The following TBCE variants were observed in gnomAD, a reference collection of about 807,000 sequenced individuals.
TBCE encodes the protein tubulin folding cofactor E, also known as tubulin-specific chaperone E.
In TBCE, 53 loss-of-function variants were observed where a neutral mutation model predicts 77.0. The ratio of observed to expected loss-of-function variants is 0.69; its 90% CI spans 0.55 to 0.87. The LOEUF is 0.87. Among genes scored for constraint, TBCE ranks in the 40% least tolerant of loss-of-function variants. The pLI is 0.00. For synonymous variants in TBCE, 235 were observed against 241.3 expected (o/e 0.97, Z 0.24); for missense variants, 624 against 622.4 (o/e 1.00, Z -0.03).
chr1:235,448,239 A>AAGAC (rs1251179402), intron 15 of TBCE, 110 bp from the exon 16 acceptor site: 1 of 843,250 alleles, frequency 1.2e-6, no homozygotes, highest in South Asian at 1.5e-5. Flanking sequence ...AAAAAAAAAA[A>AAGAC]AGACAGATAC....
chr1:235,423,498 A>C (rs1680525722), intron 5 of TBCE: 1 of 152,370 alleles, frequency 6.6e-6, no homozygotes, highest in Non-Finnish European at 1.5e-5. Context: ...GGTTAATGGA[A>C]ACACAGGGTG....
In TBCE at chr1:235,387,122, A is replaced by G. The variant is rs553331992; in HGVS notation, c.100+6973A>G. Among the ~76,000 whole-genome samples the G allele has an allele frequency of 1.4e-4, 21 of 152,314 alleles. No homozygotes were observed. The East Asian group carries it at 3.9e-3, about 28-fold the overall frequency. Reference sequence around the variant, plus strand: ...GGCTGCAGAACAGCGGATTTTCGTGAACCGCGAATGCTGCTGTCTGATCGT... The same window carrying G: ...GGCTGCAGAACAGCGGATTTTCGTGGACCGCGAATGCTGCTGTCTGATCGT... On this transcript the variant is annotated intron_variant, in intron 2 of 16. Coordinates refer to ENST00000642610, the MANE Select transcript of TBCE (RefSeq NM_003193.5).
chr1:235,420,857 C>T (rs1448742213), intron 5 of TBCE, among the ~76,000 whole-genome samples: 1 of 152,032 alleles, frequency 6.6e-6, no homozygotes, highest in African/African-American at 2.4e-5. Flanking sequence ...AACTCCTGAC[C>T]TCAGGTGATT....
At chr1:235,416,597 T>A (rs2131920) in intron 4 of TBCE, among the ~76,000 whole-genome samples, 100,602 of 152,006 alleles carry the variant, frequency 0.66, 33,681 homozygotes, top group African/African-American at 0.76. Context: ...AGCATTTTTT[T>A]AATTGGTTAA....
At chr1:235,436,307 T>A (rs1428209094) in intron 9 of TBCE, 79 bp from the exon 10 acceptor site, 1 of 1,432,286 alleles carries the variant, frequency 7.0e-7, no homozygotes, top group East Asian at 2.3e-5. Flanking sequence ...AGGAAAAAAA[T>A]TTACAAACCG....
chr1:235,419,709 AT>A, intron 5 of TBCE, 148 bp downstream of exon 5: 2 of 1,138,102 alleles, frequency 1.8e-6, no homozygotes, highest in Non-Finnish European at 2.5e-6. Flanking sequence ...TGGGGCCCAG[AT>A]AAATTATTTA....
chr1:235,399,105 C>T (rs1208051842), intron 2 of TBCE, among the ~76,000 whole-genome samples: 1 of 152,008 alleles, frequency 6.6e-6, no homozygotes, highest in Non-Finnish European at 1.5e-5. Context: ...AGGCATGCAC[C>T]ACCATGCCCA....
chr1:235,396,838 T>A (rs994259481), intron 2 of TBCE, among the ~76,000 whole-genome samples: 65 of 152,182 alleles, frequency 4.3e-4, no homozygotes, highest in African/African-American at 1.5e-3. Context: ...AATAGATGTT[T>A]TTCCCATTGA....
At position 235,428,606 on chromosome 1, in the gene TBCE, A is replaced by G. The variant is rs1312567294; in HGVS notation, c.560+1367A>G. Among the ~76,000 whole-genome samples the G allele has an allele frequency of 3.3e-5, 5 of 149,926 alleles. No homozygotes were observed. The Admixed American group carries it at 3.4e-4, about 10-fold the overall frequency. The stretch of plus-strand genomic sequence containing the variant: ...TTGAATTTATCTAACTTTAACTTTA[A>G]GGACACATTTAATCTTTAAGGACAC... On this transcript the variant is annotated intron_variant, in intron 6 of 16. Coordinates refer to ENST00000642610, the MANE Select transcript of TBCE (RefSeq NM_003193.5).
chr1:235,369,334 C>T (rs1299649362), intron 1 of TBCE, among the ~76,000 whole-genome samples: 1 of 151,098 alleles, frequency 6.6e-6, no homozygotes, highest in Non-Finnish European at 1.5e-5. Flanking sequence ...TGGTGAAACC[C>T]CGTCTCTACT....
At chr1:235,374,920 CTTT>C (rs1241323977) in intron 1 of TBCE, among the ~76,000 whole-genome samples, 8 of 111,956 alleles carry the variant, frequency 7.1e-5, no homozygotes, top group African/African-American at 1.5e-4. Context: ...CTTTTTTTTT[CTTT>C]TTTTTTTTTT....
At chr1:235,422,441 G>A (rs1056489628) in intron 5 of TBCE, among the ~76,000 whole-genome samples, 1 of 150,802 alleles carries the variant, frequency 6.6e-6, no homozygotes, top group Non-Finnish European at 1.5e-5. Context: ...ACTTGAACCC[G>A]GGAGGCAGAG....
intron 4 of TBCE, among the ~76,000 whole-genome samples, chr1:235,417,821 G>A (rs902525266): frequency 6.6e-6 from 1 of 152,098 alleles, no homozygotes; most frequent in African/African-American, 2.4e-5. Flanking sequence ...TTGTTACCCA[G>A]GCTGGAGCGC....
intron 5 of TBCE, among the ~76,000 whole-genome samples, chr1:235,420,309 C>T (rs985052095): frequency 2.7e-5 from 4 of 150,618 alleles, no homozygotes; most frequent in Non-Finnish European, 5.9e-5. Flanking sequence ...TCTGTTTTCT[C>T]ATGCAGTTCT....
intron 13 of TBCE, chr1:235,440,719 C>T (rs1381164888): frequency 6.6e-6 from 1 of 152,076 alleles, no homozygotes; most frequent in Non-Finnish European, 1.5e-5. Flanking sequence ...TTAAAGCCCC[C>T]CAGGTAATTC....
At chr1:235,402,614 T>G (rs1423329266) in intron 3 of TBCE, among the ~76,000 whole-genome samples, 1 of 152,016 alleles carries the variant, frequency 6.6e-6, no homozygotes, top group African/African-American at 2.4e-5. Flanking sequence ...TTAACAGTCT[T>G]TTTTGTTTGT....
chr1:235,432,014 C>T (rs187529173), intron 7 of TBCE, among the ~76,000 whole-genome samples: 121 of 151,960 alleles, frequency 8.0e-4, no homozygotes, highest in African/African-American at 2.7e-3. Context: ...GACAGAGTCT[C>T]GCTCTGTTGC....
Position 235,414,496 on chromosome 1 carries a change from T to A in TBCE, c.249T>A (p.Thr83=). Residue 83 remains threonine (T), a synonymous_variant, in exon 4 of 17, where the codon ACT becomes ACA. Transcript: ENST00000642610. ...TAAATTTTGGAACAGACTTTCTTAC[T>A]GCAATTAAGAACCGCTATGTGTTAG... ...NKVNFGTDFL[T]AIKNRYVLED... 6.2e-7 allele frequency: 1 copy of A among 1,613,958 alleles called. No individual in the cohort carries two copies. Among genetic ancestry groups the A allele is most frequent in the Non-Finnish European group, 8.5e-7 (1 of 1,180,000 alleles).
At chr1:235,431,431 G>A (rs1439908129) in intron 7 of TBCE, among the ~76,000 whole-genome samples, 1 of 149,868 alleles carries the variant, frequency 6.7e-6, no homozygotes, top group Non-Finnish European at 1.5e-5. Context: ...GTGCAACCTT[G>A]GCTCACTGCA....
Sources: gnomAD v4.1 joint callset for allele counts (sites outside exome capture counted in the v4.1 genomes callset) on GRCh38, gnomAD v4.1.1 for gene constraint, MANE v1.5 for transcripts, NCBI Gene and HGNC (gene_info 2026-07-23, HGNC 2026-07-21) for gene names.